JMJD1C: variants seen among roughly 807,000 people sequenced by gnomAD.
JMJD1C encodes the protein jumonji domain containing 1C, also known as jumonji domain-containing protein 1C.
JMJD1C carries 31 observed loss-of-function variants against 245.3 expected under a neutral mutation model. That is an observed-to-expected ratio of 0.13 (90% CI 0.09 to 0.17). The LOEUF (loss-of-function observed/expected upper bound fraction) is 0.17, where lower values mean the gene tolerates loss of function less well. Among genes scored for constraint, JMJD1C ranks in the 10% least tolerant of loss-of-function variants. JMJD1C has a pLI of 1.00. For missense variants in JMJD1C, 2,691 were observed against 3,000.2 expected, an observed-to-expected ratio of 0.90 and a Z score of 2.41; for synonymous variants, 1,057 against 1,017.4, an observed-to-expected ratio of 1.04 and a Z score of -0.74.
At chr10:63,363,037 A>G (rs1945524473) in intron 2 of JMJD1C, among the ~76,000 whole-genome samples, 1 of 152,026 alleles carries the variant, frequency 6.6e-6, no homozygotes, top group South Asian at 2.1e-4. Flanking sequence ...ACTGGTTGAC[A>G]TGAAATAAAT....
At chr10:63,323,115 G>C (rs1390740470) in intron 2 of JMJD1C, among the ~76,000 whole-genome samples, 1 of 152,164 alleles carries the variant, frequency 6.6e-6, no homozygotes, top group Non-Finnish European at 1.5e-5. Flanking sequence ...CTGGGTAAGA[G>C]TATGCGAGAC....
At chr10:63,478,482 C>T (rs191763892) in intron 1 of JMJD1C, among the ~76,000 whole-genome samples, 84 of 152,248 alleles carry the variant, frequency 5.5e-4, no homozygotes, top group African/African-American at 1.9e-3. Flanking sequence ...TGAAGCTCTG[C>T]GTTTGGCGAA....
At chr10:63,249,133 T>A (rs1852691835) in intron 3 of JMJD1C, among the ~76,000 whole-genome samples, 1 of 152,012 alleles carries the variant, frequency 6.6e-6, no homozygotes, top group Non-Finnish European at 1.5e-5. Flanking sequence ...CTGACCAGCA[T>A]GATAAAACCC....
intron 3 of JMJD1C, among the ~76,000 whole-genome samples, chr10:63,226,410 G>T (rs970021356): frequency 6.6e-5 from 10 of 151,870 alleles, no homozygotes; most frequent in Non-Finnish European, 1.5e-4. Flanking sequence ...ATTTTTTCAC[G>T]TGTACAGGAG....
At chr10:63,223,067 T>G in intron 3 of JMJD1C, 1 of 992,786 alleles carries the variant, frequency 1.0e-6, no homozygotes, top group Non-Finnish European at 1.5e-6. Context: ...TGTCTTCCAC[T>G]TTCCATCATG....
intron 2 of JMJD1C, among the ~76,000 whole-genome samples, chr10:63,319,383 G>A (rs1413020916): frequency 7.0e-6 from 1 of 142,196 alleles, no homozygotes; most frequent in Non-Finnish European, 1.5e-5. Flanking sequence ...CCTCATCTCT[G>A]CAAGTCTTTA....
At chr10:63,390,237 G>A (rs528149413) in intron 1 of JMJD1C, among the ~76,000 whole-genome samples, 6 of 152,206 alleles carry the variant, frequency 3.9e-5, no homozygotes, top group African/African-American at 1.4e-4. Context: ...GATCATCAGA[G>A]ACCATTATGA....
At chr10:63,419,076 C>CA (rs34710445) in intron 1 of JMJD1C, among the ~76,000 whole-genome samples, 1,344 of 103,314 alleles carry the variant, frequency 0.013, 15 homozygotes, top group South Asian at 0.038. Context: ...GACTCCATCT[C>CA]AAAAAAAAAA....
At chr10:63,416,092 T>C (rs1949785195) in intron 1 of JMJD1C, among the ~76,000 whole-genome samples, 1 of 152,156 alleles carries the variant, frequency 6.6e-6, no homozygotes, top group Admixed American at 6.5e-5. Context: ...AACTTCTCTG[T>C]GATGCATTTA....
At chr10:63,481,573 C>T (rs1953831207) in intron 1 of JMJD1C, among the ~76,000 whole-genome samples, 1 of 152,066 alleles carries the variant, frequency 6.6e-6, no homozygotes, top group South Asian at 2.1e-4. Context: ...AAACTACAGT[C>T]AATTATAGAT....
At chr10:63,505,641 T>A (rs910389076) in intron 1 of JMJD1C, among the ~76,000 whole-genome samples, 1 of 152,080 alleles carries the variant, frequency 6.6e-6, no homozygotes, top group Admixed American at 6.6e-5. Flanking sequence ...AGATTCTGAT[T>A]TAGTTGGTCT....
chr10:63,255,809 G>C (rs1025710530), intron 3 of JMJD1C, among the ~76,000 whole-genome samples: 1 of 151,940 alleles, frequency 6.6e-6, no homozygotes, highest in Non-Finnish European at 1.5e-5. Context: ...AATATTTTGG[G>C]AATGATCAAA....
At chr10:63,436,709 T>A (rs1164952111) in intron 1 of JMJD1C, among the ~76,000 whole-genome samples, 1 of 152,184 alleles carries the variant, frequency 6.6e-6, no homozygotes, top group East Asian at 1.9e-4. Context: ...GATTTTGTCC[T>A]CAACCTTATC....
chr10:63,255,184 G>C (rs999409687), intron 3 of JMJD1C, among the ~76,000 whole-genome samples: 2 of 152,118 alleles, frequency 1.3e-5, no homozygotes, highest in Non-Finnish European at 1.5e-5. Context: ...TGTGAACCTA[G>C]ATGCCAAGTC....
intron 2 of JMJD1C, among the ~76,000 whole-genome samples, chr10:63,319,595 T>G (rs1463241072): frequency 6.6e-6 from 1 of 152,182 alleles, no homozygotes; most frequent in African/African-American, 2.4e-5. Context: ...CCTTCTTAGA[T>G]TCCTATCTTC....
At chr10:63,393,152 C>T (rs1007684109) in intron 1 of JMJD1C, among the ~76,000 whole-genome samples, 1 of 152,024 alleles carries the variant, frequency 6.6e-6, no homozygotes, top group Non-Finnish European at 1.5e-5. Context: ...ACTGTAGTCC[C>T]AGCTAATCAG....
chr10:63,335,048 A>AC (rs1255231713), intron 2 of JMJD1C, among the ~76,000 whole-genome samples: 1 of 140,778 alleles, frequency 7.1e-6, no homozygotes, highest in African/African-American at 2.6e-5. Flanking sequence ...AAAAAAAAAT[A>AC]TTGTTCCTAA....
intron 3 of JMJD1C, among the ~76,000 whole-genome samples, chr10:63,255,706 TTAATATA>T (rs1853809449): frequency 6.6e-6 from 1 of 152,164 alleles, no homozygotes; most frequent in African/African-American, 2.4e-5. Flanking sequence ...GATTAATAAA[TTAATATA>T]TATCCTGAAA....
At chr10:63,412,955 C>G (rs1444928321) in intron 1 of JMJD1C, among the ~76,000 whole-genome samples, 1 of 151,946 alleles carries the variant, frequency 6.6e-6, no homozygotes, top group African/African-American at 2.4e-5. Context: ...GTCAACTGCA[C>G]AGAAGAATAG....
Sources: gnomAD v4.1 joint callset for allele counts (sites outside exome capture counted in the v4.1 genomes callset) on GRCh38, gnomAD v4.1.1 for gene constraint, MANE v1.5 for transcripts, NCBI Gene and HGNC (gene_info 2026-07-23, HGNC 2026-07-21) for gene names.